The following PRDM5 variants were observed in gnomAD, a reference collection of about 807,000 sequenced individuals.
PRDM5 encodes PR/SET domain 5.
Under a neutral mutation model 81.2 loss-of-function variants are expected in PRDM5, and 56 were observed. That is an observed-to-expected ratio of 0.69 (90% CI 0.56 to 0.86). The LOEUF (loss-of-function observed/expected upper bound fraction) is 0.86, where lower values mean the gene tolerates loss of function less well. Ranked by LOEUF, PRDM5 falls within the 40% of genes least tolerant of loss-of-function variation. The pLI is 0.00. For missense variants in PRDM5, 697 were observed against 770.1 expected, an observed-to-expected ratio of 0.91 and a Z score of 1.12; for synonymous variants, 267 against 256.4, an observed-to-expected ratio of 1.04 and a Z score of -0.39.
chr4:120,892,172 T>A (rs1337748000), intron 2 of PRDM5, among the ~76,000 whole-genome samples: 1 of 152,172 alleles, frequency 6.6e-6, no homozygotes, highest in African/African-American at 2.4e-5. Flanking sequence ...GGTCTGAAAG[T>A]GTGTTTGCTA....
At chr4:120,773,542 A>G (rs1245939570) in intron 13 of PRDM5, among the ~76,000 whole-genome samples, 1 of 152,202 alleles carries the variant, frequency 6.6e-6, no homozygotes, top group Non-Finnish European at 1.5e-5. Flanking sequence ...TTACAGAATC[A>G]CGCATGGGTA....
rs370670903 is a variant in PRDM5 at position 120,759,655 on chromosome 4, C to T, written c.1538-5017G>A. ...AAAATGATCCTGTGGAGAACAAAAACTTATCTTCAGTTTTAGTCAACTCTA... is the reference window on the plus strand; with the variant it reads ...AAAATGATCCTGTGGAGAACAAAAATTTATCTTCAGTTTTAGTCAACTCTA... On this transcript the variant is annotated intron_variant, in intron 13 of 15. Transcript: ENST00000264808. 7.9e-4 allele frequency among the ~76,000 whole-genome samples: 120 copies of T among 152,312 alleles called. 2 individuals are homozygous for T. The highest frequency in any genetic ancestry group is 2.8e-3 in the African/African-American group (116 of 41,566).
At chr4:120,823,106 C>A (rs540772594) in intron 3 of PRDM5, among the ~76,000 whole-genome samples, 15 of 152,076 alleles carry the variant, frequency 9.9e-5, no homozygotes, top group African/African-American at 7.2e-5. Context: ...CTAATAAAGA[C>A]TTCAGAATGC....
chr4:120,843,784 CAT>C (rs1353589344), intron 3 of PRDM5, among the ~76,000 whole-genome samples: 1 of 151,812 alleles, frequency 6.6e-6, no homozygotes, highest in Admixed American at 6.6e-5. Flanking sequence ...TTGGCACAAA[CAT>C]ATAGGCATAA....
chr4:120,709,693 CA>C (rs1191714820), intron 15 of PRDM5, among the ~76,000 whole-genome samples: 1 of 128,060 alleles, frequency 7.8e-6, no homozygotes, highest in Non-Finnish European at 1.7e-5. Flanking sequence ...CAATCCCGCA[CA>C]AAAGAACAGT....
intron 14 of PRDM5, among the ~76,000 whole-genome samples, chr4:120,740,620 TC>T (rs1741782246): frequency 2.0e-5 from 3 of 152,282 alleles, no homozygotes; most frequent in African/African-American, 7.2e-5. Flanking sequence ...AATACTTATC[TC>T]AAAGGTGTCC....
intron 3 of PRDM5, among the ~76,000 whole-genome samples, chr4:120,840,583 T>G (rs1345222794): frequency 2.0e-5 from 3 of 151,874 alleles, no homozygotes; most frequent in African/African-American, 4.8e-5. Flanking sequence ...CCCAGCTCCG[T>G]GACCCAGGCC....
chr4:120,804,054 G>A (rs1388427524), intron 8 of PRDM5, among the ~76,000 whole-genome samples: 1 of 152,118 alleles, frequency 6.6e-6, no homozygotes, highest in African/African-American at 2.4e-5. Flanking sequence ...TGCAATCCTA[G>A]TCTCTGATAA....
intron 3 of PRDM5, among the ~76,000 whole-genome samples, chr4:120,821,801 C>T (rs1009440182): frequency 2.0e-5 from 3 of 151,198 alleles, no homozygotes; most frequent in East Asian, 1.9e-4. Context: ...CAAATAAGTT[C>T]GTCCCCTGAA....
intron 3 of PRDM5, chr4:120,839,305 A>G (rs1322797010): frequency 1.4e-6 from 1 of 702,876 alleles, no homozygotes; most frequent in African/African-American, 1.7e-5. Context: ...GTATACAAAC[A>G]AGTAGAAGGT....
chr4:120,694,100 G>C lies in PRDM5; in HGVS notation c.*1011C>G, dbSNP rs1314569274. The C allele has an allele frequency of 6.6e-6, 1 of 152,054 alleles. No individual in the cohort carries two copies. Among genetic ancestry groups the C allele is most frequent in the African/African-American group, 2.4e-5 (1 of 41,404 alleles). 9.4% of individuals were successfully genotyped at this position (152,054 alleles called of 1,614,324 possible). A position where few individuals can be genotyped will look rare whatever the true frequency, so the allele number is the denominator to read the frequency against. ...AGAATTACCTACTGCCAAGATTCTG[G>C]AAAATGTCTTTTGCAAAATGGAATG... On this transcript the variant is annotated 3_prime_UTR_variant, in exon 16 of 16. Transcript: ENST00000264808.
chr4:120,865,535 C>T (rs1286157551), intron 2 of PRDM5, among the ~76,000 whole-genome samples: 1 of 152,202 alleles, frequency 6.6e-6, no homozygotes, highest in Non-Finnish European at 1.5e-5. Context: ...CTACACCCCA[C>T]GGAGTCACTC....
chr4:120,837,532 C>T (rs2149384041), intron 3 of PRDM5: 1 of 152,252 alleles, frequency 6.6e-6, no homozygotes, highest in African/African-American at 2.4e-5. Context: ...ATTATTCCAA[C>T]CAATGTCATG....
At chr4:120,872,145 C>A (rs1267214781) in intron 2 of PRDM5, among the ~76,000 whole-genome samples, 3 of 51,082 alleles carry the variant, frequency 5.9e-5, no homozygotes, top group Non-Finnish European at 3.6e-5. Flanking sequence ...AGCAAGACTC[C>A]ATCTCAAAAA....
At chr4:120,722,435 C>T (rs746550867) in intron 14 of PRDM5, among the ~76,000 whole-genome samples, 9 of 151,934 alleles carry the variant, frequency 5.9e-5, no homozygotes, top group Non-Finnish European at 1.0e-4. Context: ...TTGGGTGTTG[C>T]CTTCTGCTTG....
At chr4:120,821,008 C>A (rs1755187833) in intron 4 of PRDM5, among the ~76,000 whole-genome samples, 163 bp downstream of exon 4, 1 of 152,228 alleles carries the variant, frequency 6.6e-6, no homozygotes, top group South Asian at 2.1e-4. Context: ...CCTGCTGTAA[C>A]AAAGATGAGT....
In PRDM5 at chr4:120,741,527, C is replaced by T. The variant is rs1741953520; in HGVS notation, c.1623+13026G>A. The stretch of plus-strand genomic sequence containing the variant: ...TCCATCTGAGGTACCGGGTTCATCT[C>T]ACTAGGGAGTGCCAGACAGTGAGCG... On this transcript the variant is annotated intron_variant, in intron 14 of 15. Coordinates refer to ENST00000264808, the MANE Select transcript of PRDM5 (RefSeq NM_018699.4). 2.0e-5 allele frequency among the ~76,000 whole-genome samples: 3 copies of T among 151,710 alleles called. No individual in the cohort carries two copies. The South Asian group carries it at 6.3e-4, about 32-fold the overall frequency.
intron 14 of PRDM5, among the ~76,000 whole-genome samples, chr4:120,746,140 C>T (rs1742978597): frequency 2.0e-5 from 1 of 49,556 alleles, no homozygotes; most frequent in Non-Finnish European, 3.8e-5. Context: ...ATATCTACAA[C>T]TATCTGATCT....
chr4:120,784,652 G>A (rs1278447859), intron 11 of PRDM5, among the ~76,000 whole-genome samples: 3 of 151,972 alleles, frequency 2.0e-5, no homozygotes, highest in Non-Finnish European at 2.9e-5. Flanking sequence ...AGTCTGACAC[G>A]TTTTCTTAAT....
Sources: allele counts gnomAD v4.1 joint callset (sites outside exome capture counted in the v4.1 genomes callset), GRCh38; gene constraint gnomAD v4.1.1; transcripts MANE v1.5; gene names NCBI Gene and HGNC (gene_info 2026-07-23, HGNC 2026-07-21).